The following RAPGEF4 variants were observed in gnomAD, a reference collection of about 807,000 sequenced individuals.
The protein encoded by RAPGEF4 is Rap guanine nucleotide exchange factor 4.
Under a neutral mutation model 147.9 loss-of-function variants are expected in RAPGEF4, and 66 were observed. The ratio of observed to expected loss-of-function variants is 0.45; its 90% CI spans 0.37 to 0.55. The LOEUF (loss-of-function observed/expected upper bound fraction) is 0.55. RAPGEF4 is among the 20% of genes least tolerant of loss of function. RAPGEF4 has a pLI of 0.00. For synonymous variants in RAPGEF4, 419 were observed against 442.7 expected, an observed-to-expected ratio of 0.95 and a Z score of 0.67; for missense variants, 1,071 against 1,257.3, an observed-to-expected ratio of 0.85 and a Z score of 2.24.
At chr2:172,814,718 A>G (rs1247485479) in intron 4 of RAPGEF4, 4 of 393,938 alleles carry the variant, frequency 1.0e-5, no homozygotes, top group Non-Finnish European at 1.4e-5. Flanking sequence ...CTTCTTTTCC[A>G]CAGATGTATT....
At chr2:172,935,552 A>G (rs1575299551) in intron 6 of RAPGEF4, among the ~76,000 whole-genome samples, 2 of 152,300 alleles carry the variant, frequency 1.3e-5, no homozygotes, top group South Asian at 2.1e-4. Context: ...GATGTACTCA[A>G]ATAACATCAT....
rs190199726 is a variant in RAPGEF4, at chr2:172,745,309, T to C, written c.65+9261T>C. Among the ~76,000 whole-genome samples the C allele has an allele frequency of 1.2e-3, 183 of 152,258 alleles. 3 individuals carry two copies. The East Asian group carries it at 0.028, about 23-fold the overall frequency. On this transcript the variant is annotated intron_variant, in intron 1 of 30. Transcript: ENST00000397081. ...TTCTTTTCATGTCAGTTTTTATAGT[T>C]ATTTCAAGGAGTTTGTCCATTTCAT...
chr2:172,921,123 GT>G (rs936240986), intron 5 of RAPGEF4, among the ~76,000 whole-genome samples: 7 of 147,012 alleles, frequency 4.8e-5, no homozygotes, highest in East Asian at 2.0e-4. Flanking sequence ...TCTTTGTTTT[GT>G]TTTTTTTTTA....
chr2:172,996,741 A>G, intron 16 of RAPGEF4, among the ~76,000 whole-genome samples, 187 bp downstream of exon 16: 1 of 152,172 alleles, frequency 6.6e-6, no homozygotes, highest in East Asian at 1.9e-4. Flanking sequence ...TTCCCTCCCC[A>G]ATCCTGACTG....
At chr2:172,990,170 C>T (rs933606353) in intron 14 of RAPGEF4, among the ~76,000 whole-genome samples, 1 of 151,906 alleles carries the variant, frequency 6.6e-6, no homozygotes, top group Admixed American at 6.5e-5. Context: ...AATTTTTAAA[C>T]TAACTATTTA....
chr2:173,018,672 T>C lies in RAPGEF4; in HGVS notation c.2025T>C (p.Tyr675=). The change falls in exon 22 of 31, where the codon TAT becomes TAC. Residue 675 remains tyrosine (Y), a synonymous_variant. Coordinates refer to ENST00000397081, the MANE Select transcript of RAPGEF4 (RefSeq NM_007023.4). ...TTTGGATAGTTCTGTTTAAGGTCTA[T>C]TGCATGGACCACACCTACACAACCA... is the stretch of plus-strand genomic sequence containing the variant. ...RGSDEVLFKV[Y]CMDHTYTTIR... is the part of the protein sequence containing the mutation. The C allele has an allele frequency of 6.2e-7, 1 of 1,614,056 alleles. No homozygotes were observed. The highest frequency in any genetic ancestry group is 8.5e-7 in the Non-Finnish European group (1 of 1,180,010).
chr2:172,819,637 T>A (rs535980082), intron 4 of RAPGEF4, among the ~76,000 whole-genome samples: 3,001 of 151,486 alleles, frequency 0.02, 34 homozygotes, highest in Middle Eastern at 0.048. Flanking sequence ...GGCTAATTTT[T>A]TGTATTTTTA....
chr2:173,020,801 G>A, intron 23 of RAPGEF4, 86 bp downstream of exon 23: 4 of 1,034,476 alleles, frequency 3.9e-6, no homozygotes, highest in East Asian at 2.4e-5. Flanking sequence ...TGAACCCAGT[G>A]GCTAAAAAAT....
intron 1 of RAPGEF4, among the ~76,000 whole-genome samples, chr2:172,751,965 A>C (rs936435724): frequency 3.9e-5 from 6 of 152,338 alleles, no homozygotes; most frequent in African/African-American, 1.4e-4. Context: ...TTATGACTTA[A>C]AGATGTGAAA....
At chr2:172,805,480 C>T (rs1018941983) in intron 3 of RAPGEF4, among the ~76,000 whole-genome samples, 1 of 152,124 alleles carries the variant, frequency 6.6e-6, no homozygotes, top group Non-Finnish European at 1.5e-5. Context: ...TACCACTATG[C>T]GTAATTATCA....
At chr2:172,831,976 C>T (rs16860958) in intron 4 of RAPGEF4, among the ~76,000 whole-genome samples, 17,193 of 152,028 alleles carry the variant, frequency 0.11, 1,010 homozygotes, top group South Asian at 0.18. Flanking sequence ...ATATTGAGTT[C>T]GTAAAATTGG....
At chr2:172,805,991 C>T (rs1687457703) in intron 3 of RAPGEF4, among the ~76,000 whole-genome samples, 1 of 150,284 alleles carries the variant, frequency 6.7e-6, no homozygotes. Flanking sequence ...GATTATAAAT[C>T]TCATTGTATC....
At chr2:172,835,256 G>A (rs1316594961) in intron 4 of RAPGEF4, among the ~76,000 whole-genome samples, 1 of 152,234 alleles carries the variant, frequency 6.6e-6, no homozygotes, top group East Asian at 1.9e-4. Flanking sequence ...TGGTGTCTTA[G>A]AGGACAGATA....
intron 5 of RAPGEF4, among the ~76,000 whole-genome samples, chr2:172,918,737 C>T (rs915329268): frequency 6.6e-6 from 1 of 152,110 alleles, no homozygotes; most frequent in African/African-American, 2.4e-5. Context: ...CTTGTGTGTA[C>T]ACATATAACA....
intron 6 of RAPGEF4, among the ~76,000 whole-genome samples, chr2:172,941,554 T>A (rs779977026): frequency 1.3e-5 from 2 of 152,214 alleles, no homozygotes; most frequent in Admixed American, 6.5e-5. Context: ...AAGCACTTGA[T>A]AAAATGCTTT....
chr2:172,761,220 G>T (rs1199896165), intron 1 of RAPGEF4, among the ~76,000 whole-genome samples: 1 of 151,570 alleles, frequency 6.6e-6, no homozygotes, highest in African/African-American at 2.4e-5. Context: ...CTGCTCCCTG[G>T]GTTCAAGCGA....
At chr2:172,938,242 C>CACAT (rs1559133192) in intron 6 of RAPGEF4, among the ~76,000 whole-genome samples, 1 of 151,830 alleles carries the variant, frequency 6.6e-6, no homozygotes, top group African/African-American at 2.4e-5. Flanking sequence ...CACACACACA[C>CACAT]ACAGACAACC....
At chr2:172,768,941 AAT>A (rs2149484132) in intron 1 of RAPGEF4, among the ~76,000 whole-genome samples, 1 of 152,334 alleles carries the variant, frequency 6.6e-6, no homozygotes, top group South Asian at 2.1e-4. Context: ...CAGAGAACTG[AAT>A]ACCATCATGA....
At chr2:173,026,484 CT>C in intron 23 of RAPGEF4, 87 bp from the exon 24 acceptor site, 2 of 1,399,212 alleles carry the variant, frequency 1.4e-6, no homozygotes, top group Non-Finnish European at 9.7e-7. Context: ...CTCCAGAATC[CT>C]TTCCCCTCAG....
Sources: allele counts gnomAD v4.1 joint callset (sites outside exome capture counted in the v4.1 genomes callset), GRCh38; gene constraint gnomAD v4.1.1; transcripts MANE v1.5; gene names NCBI Gene and HGNC (gene_info 2026-07-23, HGNC 2026-07-21).